The following SLC39A10 variants were observed in gnomAD, a reference collection of about 807,000 sequenced individuals.
SLC39A10 encodes the protein zinc transporter ZIP10.
SLC39A10 carries 13 observed loss-of-function variants against 65.1 expected under a neutral mutation model. That is an observed-to-expected ratio of 0.20 (90% CI 0.13 to 0.32). The LOEUF (loss-of-function observed/expected upper bound fraction) is 0.32. SLC39A10 is among the 10% of genes least tolerant of loss of function. SLC39A10 has a pLI of 1.00. For missense variants in SLC39A10, 831 were observed against 1,018.4 expected (o/e 0.82, Z 2.50); for synonymous variants, 321 against 342.2 (o/e 0.94, Z 0.68).
chr2:195,618,353 C>CAAAAAA (rs34831034), intron 2 of SLC39A10, among the ~76,000 whole-genome samples: 41 of 103,934 alleles, frequency 3.9e-4, no homozygotes, highest in East Asian at 1.3e-3. Flanking sequence ...TCCGTCTCAC[C>CAAAAAA]AAAAAAAAAA....
chr2:195,690,856 A>G (rs959003832), intron 3 of SLC39A10, among the ~76,000 whole-genome samples: 3 of 151,908 alleles, frequency 2.0e-5, no homozygotes, highest in Middle Eastern at 3.2e-3. Context: ...TTTTGTTTTT[A>G]AATTTTTATT....
chr2:195,636,998 C>T (rs182570196), intron 2 of SLC39A10, among the ~76,000 whole-genome samples: 151 of 152,190 alleles, frequency 9.9e-4, no homozygotes, highest in African/African-American at 3.6e-3. Flanking sequence ...CCCCTATGTA[C>T]CTAATTCCCT....
chr2:195,707,465 A>G (rs948088612), intron 4 of SLC39A10, among the ~76,000 whole-genome samples: 4 of 152,218 alleles, frequency 2.6e-5, no homozygotes, highest in African/African-American at 9.6e-5. Flanking sequence ...AAATTGAAGT[A>G]TTGAGTATTT....
At chr2:195,617,888 C>T (rs989814622) in intron 2 of SLC39A10, among the ~76,000 whole-genome samples, 5 of 150,956 alleles carry the variant, frequency 3.3e-5, no homozygotes, top group South Asian at 2.1e-4. Flanking sequence ...CACAGGTGCC[C>T]GCCACCACGC....
chr2:195,664,102 A>G (rs1249658267), intron 1 of SLC39A10, among the ~76,000 whole-genome samples: 2 of 152,284 alleles, frequency 1.3e-5, no homozygotes, highest in Admixed American at 6.5e-5. Flanking sequence ...CTAAAGTTAA[A>G]TCACTGAAAT....
At chr2:195,622,686 T>A (rs188669944) in intron 2 of SLC39A10, among the ~76,000 whole-genome samples, 1 of 152,252 alleles carries the variant, frequency 6.6e-6, no homozygotes, top group Admixed American at 6.5e-5. Context: ...AAAACCAAGT[T>A]TGAGGGCCGG....
chr2:195,650,182 T>C (rs941757594), intron 2 of SLC39A10, among the ~76,000 whole-genome samples: 1 of 149,848 alleles, frequency 6.7e-6, no homozygotes, highest in African/African-American at 2.5e-5. Context: ...CTCAGGCGGC[T>C]GAGGTGGGAA....
chr2:195,666,177 G>T (rs1559023159), intron 1 of SLC39A10, among the ~76,000 whole-genome samples: 1 of 152,102 alleles, frequency 6.6e-6, no homozygotes, highest in South Asian at 2.1e-4. Context: ...AAATTAATTG[G>T]ACAGAAAGCT....
intron 3 of SLC39A10, among the ~76,000 whole-genome samples, chr2:195,690,195 AAAAAG>A (rs1559035707): frequency 5.6e-5 from 8 of 142,522 alleles, no homozygotes; most frequent in South Asian, 2.2e-4. Context: ...AAAAAAAAAA[AAAAAG>A]AAAGAAATTC....
At chr2:195,703,526 A>G (rs1574291358) in intron 3 of SLC39A10, among the ~76,000 whole-genome samples, 1 of 152,340 alleles carries the variant, frequency 6.6e-6, no homozygotes, top group East Asian at 1.9e-4. Flanking sequence ...AATATTTTAT[A>G]TAGCAAGCAT....
At chr2:195,657,480 C>A in intron 1 of SLC39A10, 199 bp downstream of exon 1, 1 of 985,692 alleles carries the variant, frequency 1.0e-6, no homozygotes, top group Non-Finnish European at 1.2e-6. Context: ...AAGCAGAGCG[C>A]GTGGTGGGCA....
chr2:195,660,292 A>G (rs947504458), intron 1 of SLC39A10, among the ~76,000 whole-genome samples: 5 of 152,364 alleles, frequency 3.3e-5, no homozygotes, highest in African/African-American at 1.2e-4. Context: ...GATACCAGTC[A>G]TAGTTGCAAA....
intron 8 of SLC39A10, among the ~76,000 whole-genome samples, chr2:195,720,847 A>G (rs1043573658): frequency 6.6e-6 from 1 of 152,182 alleles, no homozygotes; most frequent in Non-Finnish European, 1.5e-5. Context: ...CTGTTGTAGT[A>G]TATCATTGCC....
intron 3 of SLC39A10, 131 bp from the exon 4 acceptor site, chr2:195,706,485 C>T: frequency 1.2e-6 from 1 of 822,854 alleles, no homozygotes; most frequent in Non-Finnish European, 1.8e-6. Context: ...TAAACAATGC[C>T]TTAAAGCTTT....
intron 3 of SLC39A10, among the ~76,000 whole-genome samples, chr2:195,697,211 AAG>A (rs1355941981): frequency 6.6e-6 from 1 of 152,168 alleles, no homozygotes; most frequent in African/African-American, 2.4e-5. Flanking sequence ...TTTAAAATAT[AAG>A]AGAGGATGTG....
At chr2:195,645,954 T>C (rs1010453502) in intron 2 of SLC39A10, among the ~76,000 whole-genome samples, 1 of 152,194 alleles carries the variant, frequency 6.6e-6, no homozygotes, top group African/African-American at 2.4e-5. Flanking sequence ...TTTCTTTGTT[T>C]GTTTTTGAGA....
Position 195,736,807 on chromosome 2 carries a change from G to C in SLC39A10, c.*1766G>C, listed in dbSNP as rs1370368359. ...GAATTAGGACAGTCCTCATCTCATTGCTTGGCCCTTCAAGCAACCTAGCTA... is the reference window on the plus strand; with the variant it reads ...GAATTAGGACAGTCCTCATCTCATTCCTTGGCCCTTCAAGCAACCTAGCTA... On this transcript the variant is annotated 3_prime_UTR_variant, in exon 10 of 10. Transcript: ENST00000359634. 1 of 152,528 alleles carries C rather than the reference G, an allele frequency of 6.6e-6. No homozygotes were observed. The highest frequency in any genetic ancestry group is 1.5e-5 in the Non-Finnish European group (1 of 68,026). 9.4% of individuals were successfully genotyped at this position (152,528 alleles called of 1,614,324 possible). A position where few individuals can be genotyped will look rare whatever the true frequency, so the allele number is the denominator to read the frequency against.
intron 1 of SLC39A10, among the ~76,000 whole-genome samples, chr2:195,677,665 G>T (rs184283801): frequency 5.2e-4 from 79 of 151,070 alleles, no homozygotes; most frequent in African/African-American, 1.8e-3. Context: ...GCATGAAGCT[G>T]TAATTTCATT....
At chr2:195,635,243 C>T (rs557753519) in intron 2 of SLC39A10, among the ~76,000 whole-genome samples, 7 of 152,304 alleles carry the variant, frequency 4.6e-5, no homozygotes, top group Admixed American at 2.0e-4. Context: ...TTCACTTCCA[C>T]GTATCTTGTT....
Sources: gnomAD v4.1 joint callset for allele counts (sites outside exome capture counted in the v4.1 genomes callset) on GRCh38, gnomAD v4.1.1 for gene constraint, MANE v1.5 for transcripts, NCBI Gene and HGNC (gene_info 2026-07-23, HGNC 2026-07-21) for gene names.